The following TRIM45 variants were observed in gnomAD, a reference collection of about 807,000 sequenced individuals.
The protein encoded by TRIM45 is tripartite motif containing 45.
Under a neutral mutation model 46.7 loss-of-function variants are expected in TRIM45, and 45 were observed. That is an observed-to-expected ratio of 0.96 (90% CI 0.76 to 1.24). The LOEUF (loss-of-function observed/expected upper bound fraction) is 1.24. Among genes scored for constraint, TRIM45 ranks in the 50% most tolerant of loss-of-function variants. TRIM45 has a pLI of 0.00. For missense variants in TRIM45, 680 were observed against 728.4 expected, an observed-to-expected ratio of 0.93 and a Z score of 0.77; for synonymous variants, 259 against 285.8, an observed-to-expected ratio of 0.91 and a Z score of 0.94.
Position 117,113,451 on chromosome 1 carries a change from T to A in TRIM45, c.1502A>T (p.His501Leu), listed in dbSNP as rs1231169521. The A allele has an allele frequency of 3.7e-6, 6 of 1,612,848 alleles. No individual in the cohort carries two copies. The highest frequency in any genetic ancestry group is 5.1e-6 in the Non-Finnish European group (6 of 1,180,016). ...GTGAAACACGCCTGAGTGTGGGCGG[T>A]GCTTTCTCCTCACCATCACAGTGAA... is the stretch of plus-strand genomic sequence containing the variant. ...SPFTVMVRRK[H>L]RPHSGVFHCC... Residue 501 changes from histidine (H) to leucine (L), a missense_variant, in exon 5 of 6, where the codon CAC becomes CTC. His to Leu is a moderately conservative substitution (Grantham distance 99). Transcript: ENST00000256649. This position sits in a 1 kb window ranked among gnomAD's most constrained non-coding sequence, Gnocchi z 4.0.
chr1:117,113,275 C>A lies in TRIM45; in HGVS notation c.1594+84G>T, dbSNP rs1650286195. On this transcript the variant is annotated intron_variant, in intron 5 of 5. Coordinates refer to ENST00000256649, the MANE Select transcript of TRIM45 (RefSeq NM_025188.4). The surrounding 1 kb of genome is among the most constrained non-coding windows in gnomAD (Gnocchi z 4.0). ...AGAAACAGAGCCTAAGTCCAAATGT[C>A]TAGTGGCTGTGTGGTAGGGAAGGGC... is the stretch of plus-strand genomic sequence containing the variant. The A allele has an allele frequency of 3.2e-6, 5 of 1,552,252 alleles. No individual in the cohort carries two copies. The highest frequency in any genetic ancestry group is 4.4e-6 in the Non-Finnish European group (5 of 1,142,464).
At chr1:117,121,760 A>C, upstream of TRIM45, 1 of 693,228 alleles carries the variant, frequency 1.4e-6, no homozygotes, top group Non-Finnish European at 2.7e-6. This position sits in a 1 kb window ranked among gnomAD's most constrained non-coding sequence, Gnocchi z 4.2. Flanking sequence ...CCCTCCTCAC[A>C]CCAATCCCAG....
At position 117,118,402 on chromosome 1, in the gene TRIM45, A is replaced by T; in HGVS notation, c.854T>A (p.Ile285Asn). 6.2e-7 allele frequency: 1 copy of T among 1,614,008 alleles called. No homozygotes were observed. The change falls in exon 2 of 6, where the codon ATT becomes AAT. Residue 285 changes from isoleucine to asparagine, a missense_variant. By Grantham distance (149) the Ile-to-Asn change is moderately radical. Transcript: ENST00000256649. This position sits in a 1 kb window ranked among gnomAD's most constrained non-coding sequence, Gnocchi z 5.7. ...GTCCCGATGCTCCTCAATGGCCTTA[A>T]TGTAGCCCTCCGAGAATGTCCGGAC... ...ADVRTFSEGY[I>N]KAIEEHRDKL...
chr1:117,118,643 A>C lies in TRIM45; in HGVS notation c.613T>G (p.Phe205Val). The C allele has an allele frequency of 6.2e-7, 1 of 1,613,982 alleles. No individual in the cohort carries two copies. Among genetic ancestry groups the C allele is most frequent in the Non-Finnish European group, 8.5e-7 (1 of 1,180,014 alleles). Residue 205 changes from phenylalanine (F) to valine (V), a missense_variant, in exon 2 of 6, where the codon TTC becomes GTC. Phe to Val is a conservative substitution (Grantham distance 50). This residue lies in a region of TRIM45 where 349 missense variants were observed against 343.6 expected (regional missense o/e 1.02). Transcript: ENST00000256649. This position sits in a 1 kb window ranked among gnomAD's most constrained non-coding sequence, Gnocchi z 5.7. ...PAEELRLFCE[F>V]CDRPVCQDCV... is the part of the protein sequence containing the mutation. ...TCCTGGCACACGGGCCGGTCACAGAACTCACAGAACAGCCTCAGTTCCTCT... is the reference window on the plus strand; with the variant it reads ...TCCTGGCACACGGGCCGGTCACAGACCTCACAGAACAGCCTCAGTTCCTCT...
chr1:117,123,911 G>A (rs1378928535), upstream of TRIM45, among the ~76,000 whole-genome samples: 2 of 152,064 alleles, frequency 1.3e-5, no homozygotes, highest in African/African-American at 4.8e-5. Flanking sequence ...GATTACAGGC[G>A]TGAGCCACCG....
intron 1 of TRIM45, among the ~76,000 whole-genome samples, chr1:117,119,855 AG>A (rs34128202): frequency 6.6e-6 from 1 of 152,232 alleles, no homozygotes; most frequent in Non-Finnish European, 1.5e-5. Context: ...AGACAGTCGC[AG>A]GGACTATCAC....
Position 117,113,393 on chromosome 1 carries a change from T to C in TRIM45, c.1560A>G (p.Lys520=). The change falls in exon 5 of 6, where the codon AAA becomes AAG. Residue 520 remains lysine, a synonymous_variant. Coordinates refer to ENST00000256649, the MANE Select transcript of TRIM45 (RefSeq NM_025188.4). The surrounding 1 kb of genome is among the most constrained non-coding windows in gnomAD (Gnocchi z 4.0). ...TGCCTCCACAGGCGCAGCGAGCGGT[T>C]TTCTGGCCCCCGCTGGAGCAGAAGG... The part of the protein sequence containing the change: ...CCTFCSSGGQ[K]TARCACGGTM... 6.2e-7 allele frequency: 1 copy of C among 1,612,302 alleles called. No homozygotes were observed. The highest frequency in any genetic ancestry group is 8.5e-7 in the Non-Finnish European group (1 of 1,179,926).
chr1:117,112,398 C>G lies in TRIM45; in HGVS notation c.1650G>C (p.Trp550Cys), dbSNP rs763054936. The G allele has an allele frequency of 3.1e-6, 5 of 1,614,082 alleles. No homozygotes were observed. Among genetic ancestry groups the G allele is most frequent in the Non-Finnish European group, 4.2e-6 (5 of 1,179,976 alleles). ...GHKGHPGHPHWSCCGKFNEKS... is the reference protein window; with the variant it reads ...GHKGHPGHPHCSCCGKFNEKS... Reference sequence around the variant, plus strand: ...TCTCATTAAATTTTCCACAGCATGACCAGTGGGGATGACCTGGGTGGCCTT... The same window carrying G: ...TCTCATTAAATTTTCCACAGCATGAGCAGTGGGGATGACCTGGGTGGCCTT... Residue 550 changes from tryptophan (W) to cysteine (C), a missense_variant, in exon 6 of 6, where the codon TGG becomes TGC. Trp to Cys is a radical substitution (Grantham distance 215, BLOSUM62 -2). Coordinates refer to ENST00000256649, the MANE Select transcript of TRIM45 (RefSeq NM_025188.4).
chr1:117,119,305 C>T (rs751821754), intron 1 of TRIM45, among the ~76,000 whole-genome samples: 1 of 151,986 alleles, frequency 6.6e-6, no homozygotes, highest in Non-Finnish European at 1.5e-5. Flanking sequence ...TCGTCAACAT[C>T]ATTAGAAAGC....
chr1:117,123,096 C>G (rs1418825544), upstream of TRIM45, among the ~76,000 whole-genome samples: 1 of 150,758 alleles, frequency 6.6e-6, no homozygotes, highest in Non-Finnish European at 1.5e-5. Flanking sequence ...TGGCCATTTC[C>G]AAAATATAAC....
chr1:117,123,368 A>G (rs910328732), upstream of TRIM45, among the ~76,000 whole-genome samples: 1 of 152,076 alleles, frequency 6.6e-6, no homozygotes, highest in African/African-American at 2.4e-5. Flanking sequence ...GCTTTACTTC[A>G]TCTCTTGTTC....
chr1:117,120,717 T>C lies in TRIM45; in HGVS notation c.485A>G (p.His162Arg), dbSNP rs780084081. 2 of 1,602,398 alleles carry C rather than the reference T, an allele frequency of 1.2e-6. No individual in the cohort carries two copies. The highest frequency in any genetic ancestry group is 1.1e-5 in the South Asian group (1 of 89,018). Residue 162 changes from histidine (H) to arginine (R), a missense_variant, in exon 1 of 6, where the codon CAT (histidine) becomes CGT (arginine). Coordinates refer to ENST00000256649, the MANE Select transcript of TRIM45 (RefSeq NM_025188.4). ...ANLCHFCCQA[H>R]RRQKKTTYHT... ...TGATGGAGTGTCCCATCTTTACCTA[T>C]GAGCCTGGCAGCAGAAGTGGCAGAG...
At position 117,116,855 on chromosome 1, in the gene TRIM45, C is replaced by T; in HGVS notation, c.1223-110G>A. ...AGGGTTGTACTTTACTGTAACCACCCTGGGTCCCTTTGTTTTCTCTTCCCC... is the reference window on the plus strand; with the variant it reads ...AGGGTTGTACTTTACTGTAACCACCTTGGGTCCCTTTGTTTTCTCTTCCCC... On this transcript the variant is annotated intron_variant, in intron 2 of 5. Transcript: ENST00000256649. This position sits in a 1 kb window ranked among gnomAD's most constrained non-coding sequence, Gnocchi z 4.6. The T allele has an allele frequency of 1.4e-6, 2 of 1,462,718 alleles. No individual in the cohort carries two copies. The highest frequency in any genetic ancestry group is 1.9e-6 in the Non-Finnish European group (2 of 1,080,390). The allele number at this position is 1,462,718 out of a possible 1,614,324, so 90.6% of individuals were successfully genotyped here.
upstream of TRIM45, among the ~76,000 whole-genome samples, chr1:117,122,795 C>T (rs543682195): frequency 1.3e-5 from 2 of 152,300 alleles, no homozygotes; most frequent in East Asian, 1.9e-4. Context: ...TCTCCTGATT[C>T]TCCAAAATTC....
rs1414464026 is a variant in TRIM45 at position 117,118,630 on chromosome 1, G to A, written c.626C>T (p.Pro209Leu). Residue 209 changes from proline to leucine, a missense_variant, in exon 2 of 6, where the codon CCC becomes CTC. By Grantham distance (98) the Pro-to-Leu change is moderately conservative (BLOSUM62 -3). Around this residue, in one of 3 missense-constraint regions of TRIM45, gnomAD observed 349 missense variants for 343.6 expected, o/e 1.02. Coordinates refer to ENST00000256649, the MANE Select transcript of TRIM45 (RefSeq NM_025188.4). This position sits in a 1 kb window ranked among gnomAD's most constrained non-coding sequence, Gnocchi z 5.7. ...LRLFCEFCDRPVCQDCVVGEH... is the reference protein window; with the variant it reads ...LRLFCEFCDRLVCQDCVVGEH... ...CCCCACCACACAATCCTGGCACACG[G>A]GCCGGTCACAGAACTCACAGAACAG... The A allele has an allele frequency of 6.2e-7, 1 of 1,613,922 alleles. No homozygotes were observed. The highest frequency in any genetic ancestry group is 1.3e-5 in the African/African-American group (1 of 74,914).
Position 117,112,059 on chromosome 1 carries a change from G to A in TRIM45, c.*246C>T. 1 of 380,782 alleles carries A rather than the reference G, an allele frequency of 2.6e-6. No homozygotes were observed. The highest frequency in any genetic ancestry group is 4.3e-5 in the East Asian group (1 of 23,136). The allele number at this position is 380,782 out of a possible 1,614,324, so 23.6% of individuals were successfully genotyped here. ...TCCATACTGTACAAAATGAAAAGGA[G>A]TATCCTGTGGTAGAAAAAGAACGTT... On this transcript the variant is annotated 3_prime_UTR_variant, in exon 6 of 6. Coordinates refer to ENST00000256649, the MANE Select transcript of TRIM45 (RefSeq NM_025188.4).
At chr1:117,120,465 T>C (rs777690476) in intron 1 of TRIM45, among the ~76,000 whole-genome samples, 2 of 152,242 alleles carry the variant, frequency 1.3e-5, no homozygotes, top group African/African-American at 4.8e-5. Flanking sequence ...TGAAGGAAAC[T>C]GTAGCTGCAC....
rs2101346268 is a variant in TRIM45 at position 117,117,814 on chromosome 1, C to T, written c.1222+220G>A. On this transcript the variant is annotated intron_variant, in intron 2 of 5. Transcript: ENST00000256649. This position sits in a 1 kb window ranked among gnomAD's most constrained non-coding sequence, Gnocchi z 4.9. Reference sequence around the variant, plus strand: ...TCTCAGCCATTATTACTTCTCTGAACTGGAAAAGGGTCAAGCCTCACTCCT... The same window carrying T: ...TCTCAGCCATTATTACTTCTCTGAATTGGAAAAGGGTCAAGCCTCACTCCT... Among the ~76,000 whole-genome samples the T allele has an allele frequency of 6.6e-6, 1 of 152,290 alleles. No homozygotes were observed. Among genetic ancestry groups the T allele is most frequent in the East Asian group, 1.9e-4 (1 of 5,172 alleles).
In TRIM45 at chr1:117,118,623, G is replaced by A. The variant is rs770563354; in HGVS notation, c.633C>T (p.Cys211=). ...LFCEFCDRPV[C]QDCVVGEHRE... ...GATGCTCCCCCACCACACAATCCTG[G>A]CACACGGGCCGGTCACAGAACTCAC... Residue 211 remains cysteine, a synonymous_variant, in exon 2 of 6, where the codon TGC becomes TGT. Transcript: ENST00000256649. The surrounding 1 kb of genome is among the most constrained non-coding windows in gnomAD (Gnocchi z 5.7). 23 of 1,614,080 alleles carry A rather than the reference G, an allele frequency of 1.4e-5. No individual in the cohort carries two copies. Among genetic ancestry groups the A allele is most frequent in the Non-Finnish European group, 1.9e-5 (23 of 1,180,040 alleles).
Sources: gnomAD v4.1 joint callset for allele counts (sites outside exome capture counted in the v4.1 genomes callset) on GRCh38, gnomAD v4.1.1 for gene constraint, gnomAD v4.1.1 regional missense constraint, Gnocchi (gnomAD v3.1) non-coding constraint, MANE v1.5 for transcripts, NCBI Gene and HGNC (gene_info 2026-07-23, HGNC 2026-07-21) for gene names.